RAB30: variants seen among roughly 807,000 people sequenced by gnomAD.
The protein encoded by RAB30 is RAB30, member RAS oncogene family.
A neutral mutation model predicts 25.1 loss-of-function variants in RAB30; 9 were observed. The observed-to-expected ratio is 0.36, with a 90% CI of 0.22 to 0.63. RAB30 has a LOEUF of 0.63. RAB30 is among the 20% of genes least tolerant of loss of function. The pLI, the probability that RAB30 is intolerant of heterozygous loss-of-function variation, is 0.69. For synonymous variants in RAB30, 77 were observed against 86.4 expected, an observed-to-expected ratio of 0.89 and a Z score of 0.60; for missense variants, 140 against 243.5, an observed-to-expected ratio of 0.58 and a Z score of 2.83.
At chr11:83,053,513 C>G (rs1209034526) in intron 1 of RAB30, among the ~76,000 whole-genome samples, 1 of 152,034 alleles carries the variant, frequency 6.6e-6, no homozygotes, top group Non-Finnish European at 1.5e-5. Context: ...GGCAATTTCA[C>G]TTGCTTTTTT....
intron 1 of RAB30, among the ~76,000 whole-genome samples, chr11:83,052,436 G>T (rs1455247706): frequency 6.6e-6 from 1 of 152,122 alleles, no homozygotes; most frequent in African/African-American, 2.4e-5. Context: ...AAGAGAAATG[G>T]CCTGGCTAGA....
intron 1 of RAB30, among the ~76,000 whole-genome samples, chr11:83,036,727 T>C (rs1418481896): frequency 6.6e-6 from 1 of 151,928 alleles, no homozygotes; most frequent in African/African-American, 2.4e-5. Flanking sequence ...TCTGAGAAAG[T>C]GAGATGTGAG....
chr11:82,983,664 G>A (rs1219214266), intron 4 of RAB30, among the ~76,000 whole-genome samples: 2 of 151,908 alleles, frequency 1.3e-5, no homozygotes, highest in Non-Finnish European at 2.9e-5. Context: ...GAACTTGTGA[G>A]CTTAAGCGAT....
intron 1 of RAB30, among the ~76,000 whole-genome samples, chr11:83,013,232 C>G (rs1857342413): frequency 6.6e-6 from 1 of 152,014 alleles, no homozygotes; most frequent in African/African-American, 2.4e-5. Flanking sequence ...TATAGGCATG[C>G]ACTACCATGC....
chr11:83,053,979 A>G (rs888909833), intron 1 of RAB30, among the ~76,000 whole-genome samples: 2 of 152,280 alleles, frequency 1.3e-5, no homozygotes, highest in African/African-American at 2.4e-5. Context: ...AATCCCAGCT[A>G]CTCAGGAGGC....
At chr11:83,033,009 G>T (rs1402501631) in intron 1 of RAB30, among the ~76,000 whole-genome samples, 1 of 151,466 alleles carries the variant, frequency 6.6e-6, no homozygotes, top group African/African-American at 2.4e-5. Flanking sequence ...ATTTTTCCAG[G>T]GAGAGGAGTT....
chr11:83,017,690 T>A (rs1857469103), intron 1 of RAB30, among the ~76,000 whole-genome samples: 1 of 152,212 alleles, frequency 6.6e-6, no homozygotes, highest in Non-Finnish European at 1.5e-5. Flanking sequence ...CCATCCAGCT[T>A]GCTGCAAATG....
chr11:83,057,914 C>T (rs552203550), intron 1 of RAB30, among the ~76,000 whole-genome samples: 9 of 152,300 alleles, frequency 5.9e-5, no homozygotes, highest in Non-Finnish European at 1.0e-4. Flanking sequence ...GAGCTACTGT[C>T]GGCTTTGCCC....
chr11:83,058,773 C>A (rs1180081260), intron 1 of RAB30, among the ~76,000 whole-genome samples: 1 of 152,206 alleles, frequency 6.6e-6, no homozygotes, highest in Admixed American at 6.5e-5. Flanking sequence ...GACTAGACAT[C>A]CCCTATTATA....
chr11:83,028,531 T>G (rs956272487), intron 1 of RAB30, among the ~76,000 whole-genome samples: 1 of 151,990 alleles, frequency 6.6e-6, no homozygotes, highest in Non-Finnish European at 1.5e-5. Context: ...AAGAGAAGAT[T>G]TTACAAACTG....
At chr11:83,058,797 A>C (rs1462385322) in intron 1 of RAB30, among the ~76,000 whole-genome samples, 1 of 152,256 alleles carries the variant, frequency 6.6e-6, no homozygotes, top group East Asian at 1.9e-4. Context: ...GAAGAACCTG[A>C]GTCTCAGAGC....
rs763160358 is a variant in RAB30 at position 83,065,510 on chromosome 11, C to T, written c.-9+6181G>A. On this transcript the variant is annotated intron_variant, in intron 1 of 4. Transcript: ENST00000527633. ...TCCTGGGCTCAAGTAATCTTCCTGC[C>T]GTGGCCTCCCAAAGTGCTAGGATTC... Among the ~76,000 whole-genome samples the T allele has an allele frequency of 3.3e-5, 5 of 152,126 alleles. 1 individual carries two copies. Among genetic ancestry groups the T allele is most frequent in the Admixed American group, 2.0e-4 (3 of 15,272 alleles).
At chr11:83,064,432 A>G (rs574762046) in intron 1 of RAB30, among the ~76,000 whole-genome samples, 98 of 152,276 alleles carry the variant, frequency 6.4e-4, no homozygotes, top group African/African-American at 2.2e-3. Context: ...TCTAGAATCA[A>G]AAAACAAATT....
At chr11:83,040,281 T>C (rs1353210285) in intron 1 of RAB30, among the ~76,000 whole-genome samples, 2 of 152,008 alleles carry the variant, frequency 1.3e-5, no homozygotes, top group Non-Finnish European at 1.5e-5. Flanking sequence ...GTACAGAGAG[T>C]GATCACATTG....
At chr11:82,995,261 A>C (rs1287026534) in intron 2 of RAB30, among the ~76,000 whole-genome samples, 1 of 152,206 alleles carries the variant, frequency 6.6e-6, no homozygotes, top group Non-Finnish European at 1.5e-5. Context: ...ACTGAACTTC[A>C]AACCAAAAGA....
chr11:83,019,331 GT>G (rs200489825), intron 1 of RAB30, among the ~76,000 whole-genome samples: 4 of 151,936 alleles, frequency 2.6e-5, no homozygotes, highest in Non-Finnish European at 4.4e-5. Context: ...AGGCCAAAAG[GT>G]TTTTTTTAAA....
chr11:83,047,555 A>C (rs1396302038), intron 1 of RAB30, among the ~76,000 whole-genome samples: 1 of 152,254 alleles, frequency 6.6e-6, no homozygotes, highest in Non-Finnish European at 1.5e-5. Flanking sequence ...GCAACAAGCC[A>C]AGGAAAGTCT....
chr11:83,036,641 A>T (rs983546681), intron 1 of RAB30, among the ~76,000 whole-genome samples: 4 of 152,208 alleles, frequency 2.6e-5, no homozygotes, highest in Non-Finnish European at 5.9e-5. Flanking sequence ...TGTTCTCATG[A>T]GGATAGATGA....
chr11:83,035,314 C>T (rs951115343), intron 1 of RAB30: 3 of 152,134 alleles, frequency 2.0e-5, no homozygotes, highest in Non-Finnish European at 4.4e-5. Context: ...GCAGGTAATG[C>T]ATATTCCAGA....
Sources: allele counts gnomAD v4.1 joint callset (sites outside exome capture counted in the v4.1 genomes callset), GRCh38; gene constraint gnomAD v4.1.1; transcripts MANE v1.5; gene names NCBI Gene and HGNC (gene_info 2026-07-23, HGNC 2026-07-21).